ARMC9: variants seen among roughly 807,000 people sequenced by gnomAD.
ARMC9 encodes the protein armadillo repeat containing 9.
A neutral mutation model predicts 107.0 loss-of-function variants in ARMC9; 94 were observed. That is an observed-to-expected ratio of 0.88 (90% confidence interval 0.74 to 1.04). The LOEUF (loss-of-function observed/expected upper bound fraction) is 1.04, where lower values mean the gene tolerates loss of function less well. ARMC9 is among the 50% of genes least tolerant of loss of function. The pLI, the probability that ARMC9 is intolerant of heterozygous loss-of-function variation, is 0.00. For synonymous variants in ARMC9, 380 were observed against 396.9 expected (o/e 0.96, Z 0.51); for missense variants, 942 against 1,030.1 (o/e 0.91, Z 1.17).
At position 231,235,310 on chromosome 2, in the gene ARMC9, G is replaced by T. The variant is rs779229688; in HGVS notation, c.709G>T (p.Asp237Tyr). 1.2e-6 allele frequency: 2 copies of T among 1,614,082 alleles called. No homozygotes were observed. Among genetic ancestry groups the T allele is most frequent in the African/African-American group, 1.3e-5 (1 of 74,938 alleles). ...YLKRYNKIQA[D>Y]YHNLIGVTAE... ...CAAACGGTACAATAAGATCCAGGCC[G>T]ACTACCACAATCTCATTGGAGTCAC... Residue 237 changes from aspartate (D) to tyrosine (Y), a missense_variant, in exon 8 of 25, where the codon GAC becomes TAC. Transcript: ENST00000611582.
At chr2:231,337,383 C>T (rs950862309) in intron 20 of ARMC9, among the ~76,000 whole-genome samples, 60 of 146,494 alleles carry the variant, frequency 4.1e-4, no homozygotes, top group African/African-American at 1.4e-3. Flanking sequence ...TTGCAGCCTC[C>T]GCCTCCCAGG....
intron 8 of ARMC9, among the ~76,000 whole-genome samples, chr2:231,237,172 A>ATG (rs1341881644): frequency 1.6e-4 from 14 of 87,850 alleles, no homozygotes; most frequent in Non-Finnish European, 2.2e-4. Context: ...TTCTCTGCGT[A>ATG]TGCGTGTGTG....
intron 1 of ARMC9, among the ~76,000 whole-genome samples, chr2:231,205,350 A>G (rs2031809833): frequency 1.3e-5 from 2 of 152,262 alleles, no homozygotes; most frequent in African/African-American, 4.8e-5. Flanking sequence ...ATCCTGGGCA[A>G]CGGAGTGAGA....
intron 12 of ARMC9, among the ~76,000 whole-genome samples, chr2:231,267,380 G>A (rs953323518): frequency 1.1e-4 from 17 of 152,096 alleles, no homozygotes; most frequent in Admixed American, 6.6e-4. Flanking sequence ...ACAGGTGCGC[G>A]TCACCATGCC....
chr2:231,262,993 A>T (rs11889651), intron 12 of ARMC9, among the ~76,000 whole-genome samples: 18,494 of 135,390 alleles, frequency 0.14, 2,222 homozygotes, highest in African/African-American at 0.38. Context: ...AGGTGGGGGA[A>T]GTCCTTAAGC....
chr2:231,343,576 C>A (rs2044645600), intron 20 of ARMC9, among the ~76,000 whole-genome samples: 1 of 152,094 alleles, frequency 6.6e-6, no homozygotes, highest in African/African-American at 2.4e-5. Context: ...TTGGTATCAT[C>A]CACAGACTTT....
At chr2:231,204,727 G>A (rs1349858553) in intron 1 of ARMC9, among the ~76,000 whole-genome samples, 2 of 152,074 alleles carry the variant, frequency 1.3e-5, no homozygotes, top group Admixed American at 6.6e-5. Context: ...CTGAGGAGGT[G>A]ACAGTTAGGC....
chr2:231,292,185 A>C (rs866870764), intron 18 of ARMC9, among the ~76,000 whole-genome samples: 3 of 152,004 alleles, frequency 2.0e-5, no homozygotes, highest in Admixed American at 1.3e-4. Flanking sequence ...AAAAAAAAAA[A>C]AGTTCCGCCA....
intron 2 of ARMC9, among the ~76,000 whole-genome samples, chr2:231,207,484 C>CT (rs987901052): frequency 1.6e-4 from 23 of 146,420 alleles, no homozygotes; most frequent in Middle Eastern, 3.6e-3. Context: ...TTTTTTTTTT[C>CT]TTTTTTTTTG....
rs1168198906 is a variant in ARMC9 at position 231,330,977 on chromosome 2, C to CA, written c.1774-809dup. Among the ~76,000 whole-genome samples the CA allele has an allele frequency of 6.6e-5, 10 of 151,964 alleles. No individual in the cohort carries two copies. The East Asian group carries it at 1.7e-3, about 26-fold the overall frequency. On this transcript the variant is annotated intron_variant, in intron 19 of 24. Transcript: ENST00000611582. ...GTAACCTGGCAAAACCTCGTCTATA[C>CA]AAAAAAATACAAAAAGTAGCCGGAT...
chr2:231,293,796 G>A (rs2041182768), intron 18 of ARMC9: 2 of 152,198 alleles, frequency 1.3e-5, no homozygotes, highest in Non-Finnish European at 2.9e-5. Flanking sequence ...ACAGCGGCAG[G>A]AGCCCGCCAC....
chr2:231,374,150 A>C lies in ARMC9; in HGVS notation c.*2615A>C, dbSNP rs1325152265. On this transcript the variant is annotated 3_prime_UTR_variant, in exon 25 of 25. Transcript: ENST00000611582. ...TGGGTATGACCCCAGTCTAAGGGGA[A>C]AGAATCTAAAACACAAGTAAACCTG... 6.6e-6 allele frequency: 1 copy of C among 152,198 alleles called. No individual in the cohort carries two copies. Among genetic ancestry groups the C allele is most frequent in the East Asian group, 1.9e-4 (1 of 5,200 alleles). 9.4% of individuals were successfully genotyped at this position (152,198 alleles called of 1,614,324 possible).
chr2:231,324,948 G>A (rs1463217448), intron 19 of ARMC9, among the ~76,000 whole-genome samples: 1 of 151,984 alleles, frequency 6.6e-6, no homozygotes, highest in East Asian at 1.9e-4. Context: ...AACGAGCTGG[G>A]TGCAGTGGCT....
intron 19 of ARMC9, among the ~76,000 whole-genome samples, chr2:231,314,542 C>T (rs2042553389): frequency 6.6e-6 from 1 of 152,164 alleles, no homozygotes; most frequent in Admixed American, 6.5e-5. Context: ...CATTTTGGGC[C>T]AGATAATTCT....
intron 23 of ARMC9, among the ~76,000 whole-genome samples, chr2:231,365,298 C>T (rs767525375): frequency 1.3e-5 from 2 of 152,024 alleles, no homozygotes; most frequent in African/African-American, 4.8e-5. Flanking sequence ...GCAAGGTAGG[C>T]GATTGTTTAT....
chr2:231,288,595 TG>T, intron 17 of ARMC9: 1 of 471,048 alleles, frequency 2.1e-6, no homozygotes, highest in Admixed American at 2.3e-5. Flanking sequence ...AGTTGTTCTG[TG>T]TAGTGTTCAG....
rs368049652 is a variant in ARMC9 at position 231,374,499 on chromosome 2, A to G, written c.*2964A>G. On this transcript the variant is annotated 3_prime_UTR_variant, in exon 25 of 25. Coordinates refer to ENST00000611582, the MANE Select transcript of ARMC9 (RefSeq NM_001352754.2). ...GAGATCCAGTGAGATGCCAGAGATTAGTCAATAGGTGAGGAAAGATTTGGC... is the reference window on the plus strand; with the variant it reads ...GAGATCCAGTGAGATGCCAGAGATTGGTCAATAGGTGAGGAAAGATTTGGC... 2.6e-5 allele frequency: 4 copies of G among 152,200 alleles called. No homozygotes were observed. The East Asian group carries it at 5.8e-4, about 22-fold the overall frequency. The allele number at this position is 152,200 out of a possible 1,614,324, so 9.4% of individuals were successfully genotyped here. A position where few individuals can be genotyped will look rare whatever the true frequency, so the allele number is the denominator to read the frequency against.
At chr2:231,228,089 A>AGCCTAGGCCCGGGACGCACC (rs2034829796) in intron 7 of ARMC9, among the ~76,000 whole-genome samples, 2 of 152,156 alleles carry the variant, frequency 1.3e-5, no homozygotes, top group Admixed American at 6.5e-5. Context: ...TCTCAGTGCT[A>AGCCTAGGCCCGGGACGCACC]GCCTAGGCCC....
chr2:231,220,726 G>A (rs2125330620), intron 5 of ARMC9, among the ~76,000 whole-genome samples: 1 of 151,788 alleles, frequency 6.6e-6, no homozygotes, highest in Non-Finnish European at 1.5e-5. Context: ...TCTCAGAGTT[G>A]AAAGCACAGA....
Sources: allele counts gnomAD v4.1 joint callset (sites outside exome capture counted in the v4.1 genomes callset), GRCh38; gene constraint gnomAD v4.1.1; transcripts MANE v1.5; gene names NCBI Gene and HGNC (gene_info 2026-07-23, HGNC 2026-07-21).